Variants in RNF38 observed in about 807,000 individuals in gnomAD.
The protein encoded by RNF38 is ring finger protein 38.
A neutral mutation model predicts 67.2 loss-of-function variants in RNF38; 15 were observed. The ratio of observed to expected loss-of-function variants is 0.22; its 90% confidence interval spans 0.15 to 0.34. The LOEUF is 0.34. Among genes scored for constraint, RNF38 ranks in the 10% least tolerant of loss-of-function variants. The probability of loss-of-function intolerance (pLI) is 1.00; values close to 1 mark genes in which losing one functional copy is unlikely to be tolerated. For missense variants in RNF38, 524 were observed against 639.9 expected (o/e 0.82, Z 1.95); for synonymous variants, 220 against 218.8 (o/e 1.01, Z -0.05).
chr9:36,469,316 TA>T (rs1218589153), intron 1 of RNF38, among the ~76,000 whole-genome samples: 1 of 124,414 alleles, frequency 8.0e-6, no homozygotes, highest in African/African-American at 3.1e-5. Flanking sequence ...ATTACTCTAC[TA>T]CTTTGTTCAA....
chr9:36,401,328 C>T (rs113998839), upstream of RNF38: 1,652 of 530,258 alleles, frequency 3.1e-3, 32 homozygotes, highest in African/African-American at 0.029. Flanking sequence ...GCCCTGCGGA[C>T]CGCAGGGCCC....
In RNF38 at chr9:36,446,545, G is replaced by A. The variant is rs1388993365; in HGVS notation, n.242-21862C>T. ...CATCGGCCCAGGCGCAGTGGCTCAC[G>A]CCTGTAATCCCAACACTTTGGGAAG... On this transcript the variant is annotated intron_variant and non_coding_transcript_variant, in intron 1 of 3. Coordinates refer to the RNF38 transcript ENST00000488058. Among the ~76,000 whole-genome samples, 10 of 152,160 alleles carry A rather than the reference G, an allele frequency of 6.6e-5. No homozygotes were observed. The South Asian group carries it at 1.2e-3, about 19-fold the overall frequency.
In RNF38 at chr9:36,390,585, G is replaced by C. The variant is rs768321767; in HGVS notation, c.44C>G (p.Pro15Arg). 5 of 1,614,106 alleles carry C rather than the reference G, an allele frequency of 3.1e-6. No individual in the cohort carries two copies. Among genetic ancestry groups the C allele is most frequent in the Admixed American group, 3.3e-5 (2 of 60,012 alleles). Residue 15 changes from proline to arginine, a missense_variant, in exon 2 of 12, where the codon CCT (proline) becomes CGT (arginine). Pro to Arg is a moderately radical substitution (Grantham distance 103). Around this residue, in one of 2 missense-constraint regions of RNF38, gnomAD observed 461 missense variants for 517.4 expected, o/e 0.89. Transcript: ENST00000259605. ...ISPGANSASL[P>R]GHPNKVICER... The stretch of plus-strand genomic sequence containing the variant: ...ACAAATCACCTTGTTAGGATGGCCA[G>C]GTAGAGATGCTGAATTGGCCCCGGG...
rs1428420718 is a variant in RNF38, at chr9:36,366,371, C to CA, written c.570+3347dup. 9.9e-5 allele frequency among the ~76,000 whole-genome samples: 15 copies of CA among 151,318 alleles called. No individual in the cohort carries two copies. In the East Asian group the frequency reaches 1.6e-3, roughly 16 times the overall value. On this transcript the variant is annotated intron_variant, in intron 4 of 11. Coordinates refer to ENST00000259605, the MANE Select transcript of RNF38 (RefSeq NM_022781.5). Reference sequence around the variant, plus strand: ...TTTTCCCTTTCCTCTCAAACAGAATCAAAAAAAAGCTTTACATATTGCAAC... The same window carrying CA: ...TTTTCCCTTTCCTCTCAAACAGAATCAAAAAAAAAGCTTTACATATTGCAAC...
chr9:36,379,517 A>AG (rs1836045410), intron 2 of RNF38, among the ~76,000 whole-genome samples: 2 of 152,350 alleles, frequency 1.3e-5, no homozygotes, highest in Admixed American at 1.3e-4. Flanking sequence ...GCATAAAAAA[A>AG]ATGACCTTTG....
At position 36,462,889 on chromosome 9, in the gene RNF38, G is replaced by A. The variant is rs1234196205; in HGVS notation, n.241+24419C>T. ...GGAGTTTCACCATGTTGGCCAGGCT[G>A]GTCTCCAACTCCTGACCTCAGGTGA... On this transcript the variant is annotated intron_variant and non_coding_transcript_variant, in intron 1 of 3. Coordinates refer to the RNF38 transcript ENST00000488058. Among the ~76,000 whole-genome samples the A allele has an allele frequency of 3.3e-5, 5 of 152,002 alleles. No homozygotes were observed. The East Asian group carries it at 9.6e-4, about 29-fold the overall frequency.
At chr9:36,414,395 TGTTTC>T (rs1242323761) in intron 2 of RNF38, among the ~76,000 whole-genome samples, 14 of 152,162 alleles carry the variant, frequency 9.2e-5, no homozygotes, top group Non-Finnish European at 1.9e-4. Context: ...AGTTTTGTTT[TGTTTC>T]AAGATTTAGA....
In RNF38 at chr9:36,353,338, A is replaced by C; in HGVS notation, c.910-7T>G. Reference sequence around the variant, plus strand: ...TTTCTATCCTTTGCAGAGGCTGAGGAGGGGGAAAAAAAAACACATATATGT... The same window carrying C: ...TTTCTATCCTTTGCAGAGGCTGAGGCGGGGGAAAAAAAAACACATATATGT... On this transcript the variant is annotated splice_region_variant and splice_polypyrimidine_tract_variant and intron_variant, in intron 6 of 11. Transcript: ENST00000259605. 1 of 1,567,884 alleles carries C rather than the reference A, an allele frequency of 6.4e-7. No homozygotes were observed. Among genetic ancestry groups the C allele is most frequent in the Non-Finnish European group, 8.6e-7 (1 of 1,160,742 alleles).
intron 1 of RNF38, among the ~76,000 whole-genome samples, chr9:36,452,998 C>G (rs1291752229): frequency 6.6e-6 from 1 of 152,122 alleles, no homozygotes; most frequent in East Asian, 1.9e-4. Context: ...CTTACGTTTT[C>G]AATTACGTTG....
chr9:36,407,795 G>A (rs1838218565), intron 2 of RNF38, among the ~76,000 whole-genome samples: 1 of 152,102 alleles, frequency 6.6e-6, no homozygotes, highest in African/African-American at 2.4e-5. Context: ...AAATCCAATG[G>A]AGACCCAGAG....
chr9:36,391,311 A>G (rs993929229), intron 1 of RNF38, among the ~76,000 whole-genome samples: 1 of 152,208 alleles, frequency 6.6e-6, no homozygotes, highest in Non-Finnish European at 1.5e-5. Context: ...CAAAAATTAA[A>G]AAACAAAAAT....
At chr9:36,400,827 C>A (rs1837964778), upstream of RNF38, 1 of 985,128 alleles carries the variant, frequency 1.0e-6, no homozygotes. Context: ...CTCTCCGCCC[C>A]CACGCCCCAA....
intron 2 of RNF38, among the ~76,000 whole-genome samples, chr9:36,408,437 C>T (rs534194082): frequency 3.9e-5 from 6 of 152,222 alleles, no homozygotes; most frequent in Admixed American, 2.0e-4. Flanking sequence ...GACAGCAGTA[C>T]GCCAAGCATC....
At chr9:36,381,813 G>A (rs974961741) in intron 2 of RNF38, among the ~76,000 whole-genome samples, 11 of 152,224 alleles carry the variant, frequency 7.2e-5, no homozygotes, top group African/African-American at 2.7e-4. Context: ...TAATTCGACT[G>A]TAGTGGGTAC....
At chr9:36,399,055 T>C (rs1482892116) in intron 1 of RNF38, among the ~76,000 whole-genome samples, 4 of 152,238 alleles carry the variant, frequency 2.6e-5, no homozygotes, top group African/African-American at 9.6e-5. Context: ...CACTCTACAT[T>C]ATGATGCTAA....
intron 5 of RNF38, among the ~76,000 whole-genome samples, 172 bp from the exon 6 acceptor site, chr9:36,356,645 A>G (rs957108596): frequency 6.6e-6 from 1 of 151,450 alleles, no homozygotes; most frequent in Non-Finnish European, 1.5e-5. Flanking sequence ...CTACTAGTAA[A>G]GTAATGGTAC....
intron 1 of RNF38, among the ~76,000 whole-genome samples, chr9:36,429,852 A>AT (rs1279723576): frequency 2.6e-5 from 4 of 152,018 alleles, no homozygotes; most frequent in Admixed American, 1.3e-4. Flanking sequence ...AGTTTTACTC[A>AT]TTTTTTTAAC....
chr9:36,379,778 A>G (rs1464466681), intron 2 of RNF38, among the ~76,000 whole-genome samples: 1 of 152,230 alleles, frequency 6.6e-6, no homozygotes, highest in African/African-American at 2.4e-5. Context: ...ATCAAAATAT[A>G]TGACTGAGAA....
chr9:36,456,092 C>CA (rs909092534), intron 1 of RNF38, among the ~76,000 whole-genome samples: 1 of 151,860 alleles, frequency 6.6e-6, no homozygotes, highest in African/African-American at 2.4e-5. Context: ...TTTTTTGAGA[C>CA]AGAGTCTCGT....
Sources: allele counts gnomAD v4.1 joint callset (sites outside exome capture counted in the v4.1 genomes callset), GRCh38; gene constraint gnomAD v4.1.1; regional missense constraint gnomAD v4.1.1; transcripts MANE v1.5; gene names NCBI Gene and HGNC (gene_info 2026-07-23, HGNC 2026-07-21).